PCDHA5: variants seen among roughly 807,000 people sequenced by gnomAD.
PCDHA5 encodes the protein protocadherin alpha 5.
In PCDHA5, 43 loss-of-function variants were observed where a neutral mutation model predicts 61.6. The observed-to-expected ratio is 0.70, with a 90% CI of 0.55 to 0.90. PCDHA5 has a LOEUF of 0.90. Among genes scored for constraint, PCDHA5 ranks in the 40% least tolerant of loss-of-function variants. PCDHA5 has a pLI of 0.00. For synonymous variants in PCDHA5, 627 were observed against 543.9 expected, an observed-to-expected ratio of 1.15 and a Z score of -2.13; for missense variants, 1,298 against 1,222.7, an observed-to-expected ratio of 1.06 and a Z score of -0.92.
At chr5:140,972,027 C>A (rs2096514532) in intron 1 of PCDHA5, among the ~76,000 whole-genome samples, 1 of 152,110 alleles carries the variant, frequency 6.6e-6, no homozygotes, top group African/African-American at 2.4e-5. Flanking sequence ...GATATTCAGG[C>A]ATTTAAGCTA....
At chr5:140,836,966 T>G in intron 1 of PCDHA5, 1 of 388,302 alleles carries the variant, frequency 2.6e-6, no homozygotes, top group Non-Finnish European at 4.5e-6. Context: ...TGTTGGCTAC[T>G]CTCCATTTTT....
At chr5:140,981,001 C>A (rs2096914160) in intron 2 of PCDHA5, among the ~76,000 whole-genome samples, 1 of 151,906 alleles carries the variant, frequency 6.6e-6, no homozygotes, top group Non-Finnish European at 1.5e-5. Flanking sequence ...CTAGTAGGAT[C>A]CAGGAACACT....
intron 3 of PCDHA5, among the ~76,000 whole-genome samples, chr5:141,004,088 T>G (rs797038928): frequency 3.4e-4 from 52 of 152,346 alleles, no homozygotes; most frequent in African/African-American, 1.2e-3. Flanking sequence ...GAAATGTGCT[T>G]CTTCCGTTTT....
chr5:140,985,572 C>G (rs2097158307), intron 3 of PCDHA5, among the ~76,000 whole-genome samples: 1 of 152,142 alleles, frequency 6.6e-6, no homozygotes, highest in Non-Finnish European at 1.5e-5. Context: ...CTTTCTGGTG[C>G]CTAAGCCTCC....
At chr5:140,867,906 T>C (rs1183238322) in intron 1 of PCDHA5, 1 of 152,148 alleles carries the variant, frequency 6.6e-6, no homozygotes, top group African/African-American at 2.4e-5. Context: ...TTACAGAAGG[T>C]ATAATTAAAA....
At chr5:140,841,167 G>T (rs1003651834) in intron 1 of PCDHA5, 106 of 954,536 alleles carry the variant, frequency 1.1e-4, no homozygotes, top group Non-Finnish European at 3.5e-5. Context: ...AAGAAGTTCT[G>T]GTTGGTCAAT....
At chr5:140,992,925 C>G (rs548869982) in intron 3 of PCDHA5, among the ~76,000 whole-genome samples, 1 of 152,312 alleles carries the variant, frequency 6.6e-6, no homozygotes, top group South Asian at 2.1e-4. Flanking sequence ...TCCATACTTA[C>G]AGCAGCTCTG....
At chr5:140,869,377 C>A (rs1055077118) in intron 1 of PCDHA5, 2 of 1,614,110 alleles carry the variant, frequency 1.2e-6, no homozygotes, top group Non-Finnish European at 8.5e-7. Context: ...TCGGATCGAC[C>A]GCGAGGAGCT....
intron 1 of PCDHA5, chr5:140,868,533 C>T (rs1265642890): frequency 6.6e-6 from 1 of 152,534 alleles, no homozygotes; most frequent in African/African-American, 2.4e-5. Context: ...GAAAGTAAAA[C>T]AATTCAAATT....
At chr5:140,927,564 GGACACAAAT>G in intron 1 of PCDHA5, 1 of 1,614,150 alleles carries the variant, frequency 6.2e-7, no homozygotes, top group Admixed American at 1.7e-5. Context: ...TCATTGTGGT[GGACACAAAT>G]GACAACGCGC....
At chr5:140,863,829 T>A (rs2048195193) in intron 1 of PCDHA5, 1 of 199,822 alleles carries the variant, frequency 5.0e-6, no homozygotes, top group East Asian at 1.2e-4. Flanking sequence ...TGAAACTCCA[T>A]CTCTACTAAA....
chr5:140,965,830 A>G (rs2095939833), intron 1 of PCDHA5, among the ~76,000 whole-genome samples: 1 of 152,208 alleles, frequency 6.6e-6, no homozygotes, highest in African/African-American at 2.4e-5. Flanking sequence ...ACATTTAAAT[A>G]TTGGTTATTT....
At chr5:140,926,860 C>T in intron 1 of PCDHA5, 1 of 1,521,078 alleles carries the variant, frequency 6.6e-7, no homozygotes, top group Non-Finnish European at 8.8e-7. Flanking sequence ...GTTGGTGTAG[C>T]GTGTTGGTGG....
At chr5:140,843,564 G>A in intron 1 of PCDHA5, 1 of 1,595,922 alleles carries the variant, frequency 6.3e-7, no homozygotes, top group Non-Finnish European at 8.6e-7. Flanking sequence ...GTGGGGAGCT[G>A]GTCATACTCG....
chr5:140,843,773 T>G (rs2150366556), intron 1 of PCDHA5: 2 of 1,456,190 alleles, frequency 1.4e-6, no homozygotes, highest in Non-Finnish European at 1.9e-6. Context: ...GTAGTTACTT[T>G]AAAAGTGTTT....
intron 1 of PCDHA5, among the ~76,000 whole-genome samples, chr5:140,844,649 T>G (rs1416986157): frequency 6.7e-6 from 1 of 149,658 alleles, no homozygotes; most frequent in Non-Finnish European, 1.5e-5. Flanking sequence ...AATTTCATTC[T>G]TGCAAACCAA....
At chr5:140,887,192 G>A (rs2061344460) in intron 1 of PCDHA5, among the ~76,000 whole-genome samples, 1 of 151,802 alleles carries the variant, frequency 6.6e-6, no homozygotes, top group African/African-American at 2.4e-5. Flanking sequence ...CACCTCCCGG[G>A]TTCACGCCAT....
At chr5:140,904,547 T>C (rs1313461939) in intron 1 of PCDHA5, among the ~76,000 whole-genome samples, 1 of 152,116 alleles carries the variant, frequency 6.6e-6, no homozygotes, top group African/African-American at 2.4e-5. Flanking sequence ...ATCTTTTTCA[T>C]ATAATGACTT....
rs1179110799 is a variant in PCDHA5, at chr5:140,822,276, G to A, written c.501G>A (p.Leu167=). Residue 167 remains leucine, a synonymous_variant, in exon 1 of 4, where the codon TTG becomes TTA. Transcript: ENST00000529859. The part of the protein sequence containing the change: ...SDLDIGANAQ[L]RYRLNPNEYF... ...TGGATATTGGAGCAAATGCACAATTGAGATACAGGTTAAATCCAAACGAAT... is the reference window on the plus strand; with the variant it reads ...TGGATATTGGAGCAAATGCACAATTAAGATACAGGTTAAATCCAAACGAAT... 2 of 1,614,126 alleles carry A rather than the reference G, an allele frequency of 1.2e-6. No homozygotes were observed. The highest frequency in any genetic ancestry group is 1.7e-6 in the Non-Finnish European group (2 of 1,180,058).
Sources: allele counts gnomAD v4.1 joint callset (sites outside exome capture counted in the v4.1 genomes callset), GRCh38; gene constraint gnomAD v4.1.1; transcripts MANE v1.5; gene names NCBI Gene and HGNC (gene_info 2026-07-23, HGNC 2026-07-21).